The following TNFSF4 variants were observed in gnomAD, a reference collection of about 807,000 sequenced individuals.
The protein encoded by TNFSF4 is tumor necrosis factor ligand superfamily member 4.
In TNFSF4, 4 loss-of-function variants were observed where a neutral mutation model predicts 7.3. The observed-to-expected ratio is 0.55, with a 90% confidence interval of 0.27 to 1.25. The LOEUF is 1.25. Among genes scored for constraint, TNFSF4 ranks in the 50% most tolerant of loss-of-function variants. The probability of loss-of-function intolerance (pLI) is 0.12; values close to 1 mark genes in which losing one functional copy is unlikely to be tolerated. For synonymous variants in TNFSF4, 76 were observed against 83.7 expected, an observed-to-expected ratio of 0.91 and a Z score of 0.50; for missense variants, 181 against 208.8, an observed-to-expected ratio of 0.87 and a Z score of 0.82.
the TNFSF4 span, among the ~76,000 whole-genome samples, chr1:173,228,933 A>C: frequency 6.6e-6 from 1 of 152,232 alleles, no homozygotes; most frequent in Admixed American, 6.5e-5. Context: ...GACTATGTGA[A>C]GAGACCAAAT....
chr1:173,382,519 C>A, the TNFSF4 span, among the ~76,000 whole-genome samples: 1 of 152,262 alleles, frequency 6.6e-6, no homozygotes, highest in South Asian at 2.1e-4. Flanking sequence ...ATGTGTATAC[C>A]TATGTAACAA....
the TNFSF4 span, among the ~76,000 whole-genome samples, chr1:173,293,594 C>T: frequency 1.6e-3 from 236 of 151,988 alleles, 4 homozygotes; most frequent in East Asian, 0.042. Context: ...AAAGCAATTG[C>T]GATAAAAATG....
intron 1 of TNFSF4, among the ~76,000 whole-genome samples, chr1:173,193,337 C>A (rs1649562608): frequency 2.0e-5 from 3 of 152,142 alleles, no homozygotes; most frequent in Admixed American, 2.0e-4. Context: ...GAAGAGTCCA[C>A]ACCATACTCA....
At chr1:173,256,568 G>C in the TNFSF4 span, among the ~76,000 whole-genome samples, 2 of 152,086 alleles carry the variant, frequency 1.3e-5, no homozygotes, top group African/African-American at 4.8e-5. Flanking sequence ...GACACAATTC[G>C]GTCCATAACA....
chr1:173,234,011 A>G, the TNFSF4 span, among the ~76,000 whole-genome samples: 1 of 152,236 alleles, frequency 6.6e-6, no homozygotes, highest in Non-Finnish European at 1.5e-5. Flanking sequence ...TGAACAGGCA[A>G]CCTACAGAAT....
At chr1:173,322,952 C>T in the TNFSF4 span, among the ~76,000 whole-genome samples, 4 of 152,208 alleles carry the variant, frequency 2.6e-5, no homozygotes, top group Non-Finnish European at 4.4e-5. Context: ...TAGACTCCAC[C>T]TCTGGGGGCA....
chr1:173,305,388 G>A, the TNFSF4 span, among the ~76,000 whole-genome samples: 11 of 151,974 alleles, frequency 7.2e-5, no homozygotes, highest in East Asian at 1.9e-4. Context: ...GATGAAACAC[G>A]CTTAAGTGGA....
chr1:173,314,904 T>C, the TNFSF4 span, among the ~76,000 whole-genome samples: 2 of 152,024 alleles, frequency 1.3e-5, no homozygotes, highest in South Asian at 2.1e-4. Context: ...TGTTTGGCCA[T>C]AGCACCGAAC....
chr1:173,187,441 T>C (rs1251074385), intron 2 of TNFSF4, among the ~76,000 whole-genome samples: 1 of 152,216 alleles, frequency 6.6e-6, no homozygotes, highest in Non-Finnish European at 1.5e-5. Context: ...CATCTGACCA[T>C]GAAATGCAAA....
chr1:173,306,594 A>AACACTTCCT, the TNFSF4 span, among the ~76,000 whole-genome samples: 2 of 151,884 alleles, frequency 1.3e-5, no homozygotes, highest in African/African-American at 4.8e-5. Flanking sequence ...CATCACTAGG[A>AACACTTCCT]ACACTTCCTA....
the TNFSF4 span, among the ~76,000 whole-genome samples, chr1:173,375,650 A>C: frequency 6.7e-6 from 1 of 149,686 alleles, no homozygotes; most frequent in East Asian, 1.9e-4. Context: ...CACTCTGTAA[A>C]ATGCACCAAT....
At chr1:173,404,866 A>T in the TNFSF4 span, among the ~76,000 whole-genome samples, 1 of 152,034 alleles carries the variant, frequency 6.6e-6, no homozygotes, top group East Asian at 1.9e-4. Flanking sequence ...TCCTGACCTC[A>T]AGTGGTCCAC....
At chr1:173,220,749 T>C in the TNFSF4 span, among the ~76,000 whole-genome samples, 4,155 of 152,248 alleles carry the variant, frequency 0.027, 181 homozygotes, top group African/African-American at 0.095. Context: ...ATGAATCTTC[T>C]GGCACCTTGA....
the TNFSF4 span, among the ~76,000 whole-genome samples, chr1:173,395,377 A>AATACAT: frequency 4.7e-5 from 3 of 63,240 alleles, no homozygotes; most frequent in Non-Finnish European, 8.8e-5. Context: ...CTGTGTATAT[A>AATACAT]ATATATATAT....
At chr1:173,317,867 A>G in the TNFSF4 span, among the ~76,000 whole-genome samples, 5 of 152,228 alleles carry the variant, frequency 3.3e-5, no homozygotes, top group African/African-American at 1.2e-4. Flanking sequence ...GTGTTTTGAA[A>G]AGTTATCTCT....
At chr1:173,434,507 T>C in the TNFSF4 span, among the ~76,000 whole-genome samples, 11 of 152,206 alleles carry the variant, frequency 7.2e-5, no homozygotes, top group East Asian at 1.9e-4. Context: ...AGGCATAGCA[T>C]TGGAGTAGAG....
the TNFSF4 span, among the ~76,000 whole-genome samples, chr1:173,416,077 A>G: frequency 1.3e-5 from 2 of 152,288 alleles, no homozygotes; most frequent in East Asian, 1.9e-4. Context: ...TGAGCTGTCC[A>G]AATCAATGCC....
chr1:173,389,283 T>C, the TNFSF4 span, among the ~76,000 whole-genome samples: 1 of 152,172 alleles, frequency 6.6e-6, no homozygotes, highest in Non-Finnish European at 1.5e-5. Context: ...GAAATCAATA[T>C]CATGTCTATG....
At chr1:173,438,361 G>A in the TNFSF4 span, among the ~76,000 whole-genome samples, 15 of 152,206 alleles carry the variant, frequency 9.9e-5, no homozygotes, top group Admixed American at 2.0e-4. Flanking sequence ...CACTGCTCCA[G>A]GAAATTTCCA....
Sources: allele counts gnomAD v4.1 joint callset (sites outside exome capture counted in the v4.1 genomes callset), GRCh38; gene constraint gnomAD v4.1.1; transcripts MANE v1.5; gene names NCBI Gene and HGNC (gene_info 2026-07-23, HGNC 2026-07-21).